The following KLHL30 variants were observed in gnomAD, a reference collection of about 807,000 sequenced individuals.
KLHL30 encodes kelch like family member 30.
Under a neutral mutation model 55.0 loss-of-function variants are expected in KLHL30, and 55 were observed. The ratio of observed to expected loss-of-function variants is 1.00; its 90% CI spans 0.80 to 1.25. KLHL30 has a LOEUF of 1.25. KLHL30 is among the 50% of genes most tolerant of loss of function. The probability of loss-of-function intolerance (pLI) is 0.00; values close to 1 mark genes in which losing one functional copy is unlikely to be tolerated. For synonymous variants in KLHL30, 356 were observed against 372.6 expected (o/e 0.96, Z 0.51); for missense variants, 786 against 811.6 (o/e 0.97, Z 0.38).
Position 238,151,809 on chromosome 2 carries a change from C to A in KLHL30, c.*744C>A. On this transcript the variant is annotated 3_prime_UTR_variant, in exon 8 of 8. Transcript: ENST00000409223. ...GGTCCCAGGGAGGTGAGCAGTTTTG[C>A]TCTCAGAAGGGATTGCCTCCGTCTC... is the stretch of plus-strand genomic sequence containing the variant. 1 of 919,440 alleles carries A rather than the reference C, an allele frequency of 1.1e-6. No homozygotes were observed. The highest frequency in any genetic ancestry group is 1.3e-6 in the Non-Finnish European group (1 of 769,720). 57.0% of individuals were successfully genotyped at this position (919,440 alleles called of 1,614,324 possible). A position where few individuals can be genotyped will look rare whatever the true frequency, so the allele number is the denominator to read the frequency against.
chr2:238,140,853 C>T lies in KLHL30; in HGVS notation c.99C>T (p.Ala33=), dbSNP rs575723025. Residue 33 remains alanine (A), a synonymous_variant, in exon 2 of 8, where the codon GCC becomes GCT. Coordinates refer to ENST00000409223, the MANE Select transcript of KLHL30 (RefSeq NM_198582.4). The part of the protein sequence containing the change: ...LQRLRSQPKL[A]DVTLLVGGRE... ...GCCTGCGCTCTCAGCCCAAGCTGGC[C>T]GACGTCACACTGCTGGTGGGCGGCC... 1.4e-5 allele frequency: 22 copies of T among 1,610,690 alleles called. No homozygotes were observed. The highest frequency in any genetic ancestry group is 8.3e-5 in the Admixed American group (5 of 59,940).
At chr2:238,143,645 C>T (rs1329491031) in intron 3 of KLHL30, among the ~76,000 whole-genome samples, 3 of 152,224 alleles carry the variant, frequency 2.0e-5, no homozygotes, top group African/African-American at 7.2e-5. Context: ...CCAGGCAGGT[C>T]GCCAACCATC....
chr2:238,152,089 CTCCG>C lies in KLHL30; in HGVS notation c.*1025_*1028del, dbSNP rs577973840. 2.0e-6 allele frequency: 2 copies of C among 985,538 alleles called. No homozygotes were observed. The highest frequency in any genetic ancestry group is 2.4e-6 in the Non-Finnish European group (2 of 829,996). The allele number at this position is 985,538 out of a possible 1,614,324, so 61.0% of individuals were successfully genotyped here. Reference sequence around the variant, plus strand: ...AATGGCGTGTCCCTCCTGTCACAGGCTCCGCCCTGGGACATGGGGCTAGAAGTCA... The same window carrying C: ...AATGGCGTGTCCCTCCTGTCACAGGCCCCTGGGACATGGGGCTAGAAGTCA... On this transcript the variant is annotated 3_prime_UTR_variant, in exon 8 of 8. Coordinates refer to ENST00000409223, the MANE Select transcript of KLHL30 (RefSeq NM_198582.4).
chr2:238,148,660 G>A (rs1243828182), intron 6 of KLHL30, among the ~76,000 whole-genome samples: 4 of 149,672 alleles, frequency 2.7e-5, no homozygotes, highest in Non-Finnish European at 4.5e-5. Context: ...TGGGCAGGGA[G>A]GGGCCCCCAG....
chr2:238,147,880 G>T lies in KLHL30; in HGVS notation c.1197G>T (p.Thr399=). The change falls in exon 6 of 8, where the codon ACG becomes ACT. Residue 399 remains threonine, a synonymous_variant. Coordinates refer to ENST00000409223, the MANE Select transcript of KLHL30 (RefSeq NM_198582.4). The surrounding 1 kb of genome is among the most constrained non-coding windows in gnomAD (Gnocchi z 5.8). ...AGGTGGAGAGCTATGACCCCTACAC[G>T]GACAGCTGGACGCCCGTCAGCCCGG... ...VVEVESYDPY[T]DSWTPVSPAL... is the part of the protein sequence containing the mutation. 6.3e-7 allele frequency: 1 copy of T among 1,595,286 alleles called. No individual in the cohort carries two copies.
chr2:238,138,698 C>G lies in KLHL30; in HGVS notation c.-131C>G, dbSNP rs1186919610. ...GGCCTCCGTGTCCCCTGGCTGCCGG[C>G]TAGGCAGTCCTGCTCTCTCGGGTCT... On this transcript the variant is annotated 5_prime_UTR_variant, in exon 1 of 8. Transcript: ENST00000409223. The G allele has an allele frequency of 1.3e-5, 2 of 152,528 alleles. No homozygotes were observed. Among genetic ancestry groups the G allele is most frequent in the Non-Finnish European group, 2.9e-5 (2 of 68,270 alleles). 9.4% of individuals were successfully genotyped at this position (152,528 alleles called of 1,614,324 possible).
chr2:238,143,151 C>T (rs1336618577), intron 3 of KLHL30, among the ~76,000 whole-genome samples: 1 of 152,202 alleles, frequency 6.6e-6, no homozygotes, highest in African/African-American at 2.4e-5. Flanking sequence ...TGCTCCCTCT[C>T]CCTGCAGCCG....
chr2:238,150,344 G>C (rs1213312181), intron 7 of KLHL30, among the ~76,000 whole-genome samples: 1 of 152,128 alleles, frequency 6.6e-6, no homozygotes, highest in Admixed American at 6.5e-5. Context: ...AAAGCCACCC[G>C]CCCTCACCCC....
intron 7 of KLHL30, among the ~76,000 whole-genome samples, chr2:238,149,792 G>A (rs1692718706): frequency 6.6e-6 from 1 of 152,120 alleles, no homozygotes; most frequent in Non-Finnish European, 1.5e-5. Context: ...CCCACTCTTT[G>A]ACCATCAGTG....
At position 238,144,857 on chromosome 2, in the gene KLHL30, A is replaced by G. The variant is rs371304103; in HGVS notation, c.908-45A>G. ...AAGGGGGAGTGGGGACCACCCCAGCAGGGAGCCTGGCAGCCTGACCCTTCT... is the reference window on the plus strand; with the variant it reads ...AAGGGGGAGTGGGGACCACCCCAGCGGGGAGCCTGGCAGCCTGACCCTTCT... On this transcript the variant is annotated intron_variant, in intron 3 of 7. Coordinates refer to ENST00000409223, the MANE Select transcript of KLHL30 (RefSeq NM_198582.4). 6.8e-4 allele frequency: 1,000 copies of G among 1,460,054 alleles called. 1 individual carries two copies. Among genetic ancestry groups the G allele is most frequent in the Middle Eastern group, 1.0e-3 (6 of 5,822 alleles). 90.4% of individuals were successfully genotyped at this position (1,460,054 alleles called of 1,614,324 possible). A position where few individuals can be genotyped will look rare whatever the true frequency, so the allele number is the denominator to read the frequency against.
chr2:238,139,294 G>GAC (rs1692487192), intron 1 of KLHL30, among the ~76,000 whole-genome samples: 1 of 152,234 alleles, frequency 6.6e-6, no homozygotes, highest in African/African-American at 2.4e-5. Context: ...GTGGCCCAGG[G>GAC]ACAGCCCTGT....
Position 238,145,700 on chromosome 2 carries a change from G to A in KLHL30, c.1018G>A (p.Asp340Asn). The stretch of plus-strand genomic sequence containing the variant: ...AGGTGGCTCTCGGGGCACAAAGACA[G>A]ACACCTGGTCAACCACCCAGGCCTG... The part of the protein sequence containing the change: ...VTGGSRGTKT[D>N]TWSTTQAWCF... The change falls in exon 5 of 8, where the codon GAC becomes AAC. Residue 340 changes from aspartate to asparagine, a missense_variant. Physicochemically the swap from Asp to Asn is conservative, Grantham distance 23. Transcript: ENST00000409223. The A allele has an allele frequency of 6.3e-7, 1 of 1,584,958 alleles. No individual in the cohort carries two copies. Among genetic ancestry groups the A allele is most frequent in the African/African-American group, 1.3e-5 (1 of 74,190 alleles).
chr2:238,141,206 C>T lies in KLHL30; in HGVS notation c.452C>T (p.Ala151Val). Reference protein sequence around the residue: ...FGEQQGLLGVAAKAWAFLREN... With the variant: ...FGEQQGLLGVVAKAWAFLREN... ...GAGCAGCAAGGGCTGCTGGGCGTGGCTGCCAAGGCCTGGGCCTTCCTGCGA... is the reference window on the plus strand; with the variant it reads ...GAGCAGCAAGGGCTGCTGGGCGTGGTTGCCAAGGCCTGGGCCTTCCTGCGA... The change falls in exon 2 of 8, where the codon GCT (alanine) becomes GTT (valine). Residue 151 changes from alanine (A) to valine (V), a missense_variant. Ala to Val is a moderately conservative substitution (Grantham distance 64). Transcript: ENST00000409223. The T allele has an allele frequency of 6.2e-7, 1 of 1,611,052 alleles. No individual in the cohort carries two copies. Among genetic ancestry groups the T allele is most frequent in the Non-Finnish European group, 8.5e-7 (1 of 1,179,702 alleles).
chr2:238,142,194 G>T (rs543702047), intron 2 of KLHL30, among the ~76,000 whole-genome samples: 1 of 152,328 alleles, frequency 6.6e-6, no homozygotes, highest in East Asian at 1.9e-4. Context: ...AGCCAAGTCC[G>T]GGGACAAAGA....
chr2:238,151,338 C>A lies in KLHL30; in HGVS notation c.*273C>A. ...AGGAAGCTCTGCTGCCCCTGGGGTT[C>A]CCGAGACCTCAGAGAGGGGAGCCGG... On this transcript the variant is annotated 3_prime_UTR_variant, in exon 8 of 8. Coordinates refer to ENST00000409223, the MANE Select transcript of KLHL30 (RefSeq NM_198582.4). 1.9e-6 allele frequency: 1 copy of A among 533,078 alleles called. No individual in the cohort carries two copies. The highest frequency in any genetic ancestry group is 3.3e-6 in the Non-Finnish European group (1 of 301,352). The allele number at this position is 533,078 out of a possible 1,614,324, so 33.0% of individuals were successfully genotyped here.
intron 5 of KLHL30, among the ~76,000 whole-genome samples, chr2:238,146,654 G>A (rs1454649989): frequency 2.0e-5 from 3 of 150,370 alleles, no homozygotes; most frequent in East Asian, 2.1e-4. Context: ...TGGTCCACCC[G>A]CCTCAGCCTC....
chr2:238,145,573 T>C, intron 4 of KLHL30, 104 bp from the exon 5 acceptor site: 1 of 1,357,418 alleles, frequency 7.4e-7, no homozygotes, highest in Non-Finnish European at 1.0e-6. Context: ...ACGTTGGAGA[T>C]CATGGCCTGG....
chr2:238,145,490 GTT>G (rs1692630616), intron 4 of KLHL30, among the ~76,000 whole-genome samples, 185 bp from the exon 5 acceptor site: 1 of 152,198 alleles, frequency 6.6e-6, no homozygotes, highest in Non-Finnish European at 1.5e-5. Context: ...TGTCGTCCTT[GTT>G]TATGGGGATG....
intron 5 of KLHL30, among the ~76,000 whole-genome samples, chr2:238,146,752 T>G (rs1373295032): frequency 6.6e-6 from 1 of 150,978 alleles, no homozygotes; most frequent in Non-Finnish European, 1.5e-5. Flanking sequence ...CCAGGTGCAG[T>G]GGCTCACACC....
Sources: gnomAD v4.1 joint callset for allele counts (sites outside exome capture counted in the v4.1 genomes callset) on GRCh38, gnomAD v4.1.1 for gene constraint, Gnocchi (gnomAD v3.1) non-coding constraint, MANE v1.5 for transcripts, NCBI Gene and HGNC (gene_info 2026-07-23, HGNC 2026-07-21) for gene names.